Variants in MYOF observed in about 807,000 individuals in gnomAD.
The protein encoded by MYOF is myoferlin.
MYOF carries 244 observed loss-of-function variants against 284.2 expected under a neutral mutation model. The ratio of observed to expected loss-of-function variants is 0.86; its 90% confidence interval spans 0.77 to 0.95. MYOF has a LOEUF of 0.95. MYOF is among the 40% of genes least tolerant of loss of function. The probability of loss-of-function intolerance (pLI) is 0.00; values close to 1 mark genes in which losing one functional copy is unlikely to be tolerated. For missense variants in MYOF, 2,496 were observed against 2,560.6 expected (o/e 0.97, Z 0.54); for synonymous variants, 904 against 919.7 (o/e 0.98, Z 0.31).
At chr10:93,458,665 G>T (rs543212466) in intron 1 of MYOF, among the ~76,000 whole-genome samples, 15 of 152,180 alleles carry the variant, frequency 9.9e-5, no homozygotes, top group South Asian at 4.1e-4. Flanking sequence ...AGGAGGCAGA[G>T]GTTGCAGTAA....
intron 37 of MYOF, among the ~76,000 whole-genome samples, chr10:93,346,847 G>C (rs1485544624): frequency 6.6e-6 from 1 of 152,148 alleles, no homozygotes; most frequent in East Asian, 1.9e-4. Context: ...ACTGTCCCCA[G>C]ATATCTAGAA....
intron 5 of MYOF, among the ~76,000 whole-genome samples, chr10:93,410,662 G>GCTTTT (rs1388741767): frequency 2.6e-5 from 4 of 152,086 alleles, no homozygotes; most frequent in African/African-American, 4.8e-5. Context: ...ACAAACTTTA[G>GCTTTT]CTTTTCTTTT....
At chr10:93,310,677 A>AT (rs1842344379) in intron 51 of MYOF, 34 bp from the exon 52 acceptor site, 1 of 1,574,480 alleles carries the variant, frequency 6.4e-7, no homozygotes, top group Non-Finnish European at 8.7e-7. Flanking sequence ...AACATATGAC[A>AT]TCATGTTTCA....
chr10:93,323,007 G>C, intron 48 of MYOF, 71 bp downstream of exon 48: 1 of 1,400,654 alleles, frequency 7.1e-7, no homozygotes. Flanking sequence ...GGCATATTCA[G>C]TAATGAAAAC....
rs1554842517 is a variant in MYOF at position 93,347,566 on chromosome 10, A to AAAAAAAAAG, written c.4249+50_4249+51insCTTTTTTTT. The AAAAAAAAAG allele has an allele frequency of 3.7e-4, 449 of 1,217,786 alleles. 1 individual carries two copies. The highest frequency in any genetic ancestry group is 6.1e-4 in the Middle Eastern group (2 of 3,282). The allele number at this position is 1,217,786 out of a possible 1,614,324, so 75.4% of individuals were successfully genotyped here. On this transcript the variant is annotated intron_variant, in intron 37 of 53. Transcript: ENST00000359263. ...AGAGCGAGACTCCGTCTCAAAAAAA[A>AAAAAAAAAG]AAAAAAAAAAAAGAAAAGCCCCCAG...
At chr10:93,472,301 C>A (rs1223204850) in intron 1 of MYOF, among the ~76,000 whole-genome samples, 1 of 152,190 alleles carries the variant, frequency 6.6e-6, no homozygotes. Flanking sequence ...AATTGGAACA[C>A]TTGTGCAGTG....
rs766385813 is a variant in MYOF, at chr10:93,387,899, G to A, written c.1596C>T (p.Ala532=). 3 of 1,613,754 alleles carry A rather than the reference G, an allele frequency of 1.9e-6. No individual in the cohort carries two copies. The highest frequency in any genetic ancestry group is 2.5e-6 in the Non-Finnish European group (3 of 1,179,758). Residue 532 remains alanine, a synonymous_variant, in exon 19 of 54, where the codon GCC becomes GCT. Coordinates refer to ENST00000359263, the MANE Select transcript of MYOF (RefSeq NM_013451.4). ...ATTCAACCAAGATCCTGCCTCTGTA[G>A]GCAACTCCTTCCCCCTGAAAGGCAA... ...ELNTGKGEGV[A]YRGRILVELA...
chr10:93,464,278 G>A (rs753764663), intron 1 of MYOF, among the ~76,000 whole-genome samples: 6 of 152,114 alleles, frequency 3.9e-5, no homozygotes, highest in Admixed American at 6.6e-5. Context: ...TTGCTGGCCC[G>A]CCCTGCAAAT....
chr10:93,468,513 G>A (rs891041490), intron 1 of MYOF, among the ~76,000 whole-genome samples: 1 of 152,186 alleles, frequency 6.6e-6, no homozygotes, highest in Non-Finnish European at 1.5e-5. Flanking sequence ...TCCAAGAGAT[G>A]GTATCAAGAG....
At chr10:93,361,421 C>G (rs1845065788) in intron 28 of MYOF, 31 bp downstream of exon 28, 1 of 1,601,840 alleles carries the variant, frequency 6.2e-7, no homozygotes, top group African/African-American at 1.3e-5. Flanking sequence ...TGCTGCAGAG[C>G]CCCAATCAGG....
rs146306077 is a variant in MYOF at position 93,310,166 on chromosome 10, G to A, written c.6001C>T (p.Arg2001Ter). 59 of 1,613,928 alleles carry A rather than the reference G, an allele frequency of 3.7e-5. No homozygotes were observed. Among genetic ancestry groups the A allele is most frequent in the East Asian group, 6.7e-5 (3 of 44,860 alleles). Reference sequence around the variant, plus strand: ...AACCAGAGGAAGGAGGTTTCTGGTCGACTGCATTGCAAAGAAACAGTATCA... The same window carrying A: ...AACCAGAGGAAGGAGGTTTCTGGTCAACTGCATTGCAAAGAAACAGTATCA... ...NMNPKLDLPN[R>*]PETSFLWFTN... Residue 2001 changes from arginine to a stop codon, truncating the protein, a stop_gained and splice_region_variant, in exon 53 of 54, where the codon CGA becomes TGA. Coordinates refer to ENST00000359263, the MANE Select transcript of MYOF (RefSeq NM_013451.4). LOFTEE classifies it high-confidence loss of function.
intron 1 of MYOF, among the ~76,000 whole-genome samples, chr10:93,466,504 T>C (rs2057011621): frequency 6.6e-6 from 1 of 152,130 alleles, no homozygotes; most frequent in Admixed American, 6.5e-5. Context: ...GTCCAGTCCA[T>C]TTGAATGACT....
chr10:93,371,395 T>C (rs1845581089), intron 24 of MYOF, among the ~76,000 whole-genome samples: 1 of 152,226 alleles, frequency 6.6e-6, no homozygotes, highest in African/African-American at 2.4e-5. Flanking sequence ...ATCCTTATCA[T>C]ATACTTCAAC....
intron 13 of MYOF, among the ~76,000 whole-genome samples, chr10:93,398,869 C>A (rs1023146909): frequency 1.3e-5 from 2 of 152,148 alleles, no homozygotes; most frequent in East Asian, 3.9e-4. Flanking sequence ...CTTTGACCAT[C>A]TCTGTAGGTA....
At chr10:93,443,835 G>A (rs2056349479) in intron 3 of MYOF, among the ~76,000 whole-genome samples, 1 of 152,144 alleles carries the variant, frequency 6.6e-6, no homozygotes, top group African/African-American at 2.4e-5. Flanking sequence ...CCAAACTACA[G>A]TCAATTTAAG....
At position 93,333,782 on chromosome 10, in the gene MYOF, G is replaced by A. The variant is rs761059318; in HGVS notation, c.4695C>T (p.Leu1565=). 1 of 1,614,194 alleles carries A rather than the reference G, an allele frequency of 6.2e-7. No homozygotes were observed. Among genetic ancestry groups the A allele is most frequent in the Non-Finnish European group, 8.5e-7 (1 of 1,180,030 alleles). ...CCAGGCCATTGTTGTCCTGGGGCTG[G>A]AGCTCTAAGCCTCGAACAATGTAAA... ...VRIYIVRGLE[L]QPQDNNGLCD... Residue 1565 remains leucine, a synonymous_variant, in exon 42 of 54, where the codon CTC becomes CTT. Coordinates refer to ENST00000359263, the MANE Select transcript of MYOF (RefSeq NM_013451.4).
At chr10:93,476,802 C>T (rs1398254110) in intron 1 of MYOF, among the ~76,000 whole-genome samples, 1 of 152,124 alleles carries the variant, frequency 6.6e-6, no homozygotes, top group Non-Finnish European at 1.5e-5. Context: ...TATCTAGGCT[C>T]ACATTCCAAA....
At chr10:93,478,834 A>AG (rs56922921) in intron 1 of MYOF, among the ~76,000 whole-genome samples, 22,541 of 89,622 alleles carry the variant, frequency 0.25, 3,794 homozygotes, top group Non-Finnish European at 0.31. Flanking sequence ...TCAAAAAAAA[A>AG]AAAAAAAAAG....
intron 5 of MYOF, among the ~76,000 whole-genome samples, chr10:93,423,518 T>G (rs1195218952): frequency 1.1e-5 from 1 of 90,996 alleles, no homozygotes; most frequent in African/African-American, 4.5e-5. Flanking sequence ...AGAGCAAGAC[T>G]CCATCTGAAA....
Sources: gnomAD v4.1 joint callset for allele counts (sites outside exome capture counted in the v4.1 genomes callset) on GRCh38, gnomAD v4.1.1 for gene constraint, MANE v1.5 for transcripts, NCBI Gene and HGNC (gene_info 2026-07-23, HGNC 2026-07-21) for gene names.